DLGAP4: variants seen among roughly 807,000 people sequenced by gnomAD.
The protein encoded by DLGAP4 is disks large-associated protein 4.
In DLGAP4, 18 loss-of-function variants were observed where a neutral mutation model predicts 86.9. That is an observed-to-expected ratio of 0.21 (90% CI 0.14 to 0.31). The LOEUF is 0.31. Ranked by LOEUF, DLGAP4 falls within the 10% of genes least tolerant of loss-of-function variation. The pLI is 1.00. For missense variants in DLGAP4, 1,085 were observed against 1,362.6 expected, an observed-to-expected ratio of 0.80 and a Z score of 3.21; for synonymous variants, 548 against 574.3, an observed-to-expected ratio of 0.95 and a Z score of 0.65.
intron 7 of DLGAP4, among the ~76,000 whole-genome samples, chr20:36,476,953 A>AT (rs1277957251): frequency 6.6e-6 from 1 of 151,714 alleles, no homozygotes; most frequent in East Asian, 1.9e-4. Flanking sequence ...TCAGCCTCCC[A>AT]AAGTGCTGGG....
chr20:36,427,506 G>A (rs1215189381), intron 2 of DLGAP4, among the ~76,000 whole-genome samples: 1 of 148,564 alleles, frequency 6.7e-6, no homozygotes. Context: ...AGGGAGGGAA[G>A]GAAGGAAGGA....
rs1449448506 is a variant in DLGAP4, at chr20:36,431,860, G to A, written c.143G>A (p.Gly48Glu). Residue 48 changes from glycine to glutamate, a missense_variant, in exon 3 of 13, where the codon GGG (glycine) becomes GAG (glutamate). Transcript: ENST00000339266. This position sits in a 1 kb window ranked among gnomAD's most constrained non-coding sequence, Gnocchi z 5.1. The part of the protein sequence containing the change: ...EAFAREARFP[G>E]QNTLPGDGLF... ...TTCGCCCGCGAGGCCCGCTTCCCCGGGCAGAACACCCTGCCAGGAGATGGC... is the reference window on the plus strand; with the variant it reads ...TTCGCCCGCGAGGCCCGCTTCCCCGAGCAGAACACCCTGCCAGGAGATGGC... 6.2e-7 allele frequency: 1 copy of A among 1,613,890 alleles called. No homozygotes were observed. The highest frequency in any genetic ancestry group is 1.3e-5 in the African/African-American group (1 of 74,904).
intron 7 of DLGAP4, among the ~76,000 whole-genome samples, chr20:36,453,185 C>T (rs529180157): frequency 3.9e-5 from 6 of 152,254 alleles, no homozygotes; most frequent in South Asian, 2.1e-4. Context: ...AAGCTCAGGC[C>T]GGGTACAGTG....
At chr20:36,468,705 A>G (rs1405464718) in intron 7 of DLGAP4, among the ~76,000 whole-genome samples, 1 of 152,260 alleles carries the variant, frequency 6.6e-6, no homozygotes, top group Non-Finnish European at 1.5e-5. Flanking sequence ...GCCCAGTGGT[A>G]TGCAGGGTAC....
intron 1 of DLGAP4, among the ~76,000 whole-genome samples, chr20:36,309,850 G>A (rs2147328878): frequency 6.6e-6 from 1 of 152,328 alleles, no homozygotes; most frequent in East Asian, 1.9e-4. Flanking sequence ...CAGGCTTGGG[G>A]ACACAGAGTC....
intron 2 of DLGAP4, among the ~76,000 whole-genome samples, chr20:36,408,471 C>T (rs532587128): frequency 6.6e-6 from 1 of 152,314 alleles, no homozygotes; most frequent in African/African-American, 2.4e-5. Flanking sequence ...ATATTTCCTG[C>T]TTGGCCCGTG....
intron 2 of DLGAP4, among the ~76,000 whole-genome samples, chr20:36,421,301 C>CA (rs1167668905): frequency 3.6e-4 from 55 of 151,294 alleles, no homozygotes; most frequent in Non-Finnish European, 6.3e-4. Context: ...GCTAAGAATA[C>CA]AAAAAAATTG....
rs1329678035 is a variant in DLGAP4 at position 36,306,687 on chromosome 20, G to A, written c.-304+175G>A. ...TGCCAGTTCTGTCTTCCGATCCCGG[G>A]TCCGAGGGGCCGGCTGTGCGGCTGG... On this transcript the variant is annotated intron_variant, in intron 1 of 12. Transcript: ENST00000339266. This position sits in a 1 kb window ranked among gnomAD's most constrained non-coding sequence, Gnocchi z 4.9. Among the ~76,000 whole-genome samples, 9 of 152,248 alleles carry A rather than the reference G, an allele frequency of 5.9e-5. No individual in the cohort carries two copies. Among genetic ancestry groups the A allele is most frequent in the Non-Finnish European group, 1.0e-4 (7 of 67,992 alleles).
At chr20:36,468,213 T>C (rs1372120562) in intron 7 of DLGAP4, among the ~76,000 whole-genome samples, 7 of 152,222 alleles carry the variant, frequency 4.6e-5, no homozygotes, top group Non-Finnish European at 8.8e-5. Context: ...GCTGTGTATA[T>C]GTCCAGTCTG....
intron 2 of DLGAP4, among the ~76,000 whole-genome samples, chr20:36,370,030 G>A (rs572717807): frequency 2.6e-5 from 4 of 152,092 alleles, no homozygotes; most frequent in African/African-American, 7.2e-5. Context: ...TGCAAGGATC[G>A]GGGTCCAGGA....
At chr20:36,497,477 C>G in intron 8 of DLGAP4, 1 of 1,024,076 alleles carries the variant, frequency 9.8e-7, no homozygotes, top group Non-Finnish European at 1.2e-6. Context: ...CATAGCCCCG[C>G]TTGGCGGCAG....
intron 10 of DLGAP4, chr20:36,507,718 C>G (rs920524866): frequency 6.6e-6 from 1 of 152,210 alleles, no homozygotes; most frequent in African/African-American, 2.4e-5. Context: ...CACAAAACAA[C>G]CATTTTATTA....
At chr20:36,396,102 G>A (rs973971173) in intron 2 of DLGAP4, among the ~76,000 whole-genome samples, 24 of 151,840 alleles carry the variant, frequency 1.6e-4, no homozygotes, top group Non-Finnish European at 2.9e-4. Context: ...GGGGACTCTC[G>A]TCCACTGAGG....
At chr20:36,458,484 C>T (rs2033940001) in intron 7 of DLGAP4, among the ~76,000 whole-genome samples, 1 of 150,742 alleles carries the variant, frequency 6.6e-6, no homozygotes, top group Admixed American at 6.6e-5. Flanking sequence ...GCCTCAGCCT[C>T]CCAAAGTGCT....
intron 1 of DLGAP4, among the ~76,000 whole-genome samples, chr20:36,327,781 C>CG (rs2065230800): frequency 1.4e-5 from 2 of 147,606 alleles, no homozygotes; most frequent in Non-Finnish European, 3.0e-5. Flanking sequence ...TTAGTAGAGA[C>CG]GGGGTTTCAC....
At chr20:36,424,880 C>T (rs1211818375) in intron 2 of DLGAP4, among the ~76,000 whole-genome samples, 2 of 152,042 alleles carry the variant, frequency 1.3e-5, no homozygotes, top group Non-Finnish European at 2.9e-5. Flanking sequence ...GGATTATAGG[C>T]TCAAGCCACC....
At chr20:36,470,218 G>A (rs1027617227) in intron 7 of DLGAP4, among the ~76,000 whole-genome samples, 1 of 152,082 alleles carries the variant, frequency 6.6e-6, no homozygotes, top group Non-Finnish European at 1.5e-5. Flanking sequence ...GCTGTACATG[G>A]TCAGCATTCA....
intron 2 of DLGAP4, among the ~76,000 whole-genome samples, chr20:36,381,851 C>T (rs768089533): frequency 2.0e-5 from 3 of 152,138 alleles, no homozygotes; most frequent in Non-Finnish European, 4.4e-5. Context: ...GGGGGCTTCT[C>T]CTTGCCATGT....
chr20:36,398,163 T>C (rs527609658), intron 2 of DLGAP4, among the ~76,000 whole-genome samples: 2 of 152,362 alleles, frequency 1.3e-5, no homozygotes, highest in African/African-American at 4.8e-5. Context: ...ACGTATTTGC[T>C]AATTTTGGGG....
Sources: gnomAD v4.1 joint callset for allele counts (sites outside exome capture counted in the v4.1 genomes callset) on GRCh38, gnomAD v4.1.1 for gene constraint, Gnocchi (gnomAD v3.1) non-coding constraint, MANE v1.5 for transcripts, NCBI Gene and HGNC (gene_info 2026-07-23, HGNC 2026-07-21) for gene names.